PLEKHM1: variants seen among roughly 807,000 people sequenced by gnomAD.
The protein encoded by PLEKHM1 is pleckstrin homology and RUN domain containing M1.
PLEKHM1 carries 28 observed loss-of-function variants against 94.3 expected under a neutral mutation model. That is an observed-to-expected ratio of 0.30 (90% CI 0.22 to 0.41). The LOEUF (loss-of-function observed/expected upper bound fraction) is 0.41, where lower values mean the gene tolerates loss of function less well. PLEKHM1 is among the 10% of genes least tolerant of loss of function. The pLI, the probability that PLEKHM1 is intolerant of heterozygous loss-of-function variation, is 1.00. For synonymous variants in PLEKHM1, 424 were observed against 581.2 expected, an observed-to-expected ratio of 0.73 and a Z score of 3.89; for missense variants, 907 against 1,358.6, an observed-to-expected ratio of 0.67 and a Z score of 5.22.
intron 9 of PLEKHM1, among the ~76,000 whole-genome samples, chr17:45,443,840 C>A (rs1258429673): frequency 6.6e-6 from 1 of 152,090 alleles, no homozygotes; most frequent in Non-Finnish European, 1.5e-5. Flanking sequence ...TCAGCGCTTG[C>A]CAAGAGGTGG....
Position 45,444,874 on chromosome 17 carries a change from C to T in PLEKHM1, c.2837+596G>A, listed in dbSNP as rs2050554318. Among the ~76,000 whole-genome samples the T allele has an allele frequency of 1.3e-5, 2 of 152,114 alleles. No individual in the cohort carries two copies. The highest frequency in any genetic ancestry group is 2.9e-5 in the Non-Finnish European group (2 of 68,022). ...GACGTCCTGCCTCTCACCCTCACCC[C>T]CAGATGGAGTTGCTGGCTTTCCCAC... On this transcript the variant is annotated intron_variant, in intron 9 of 11. Transcript: ENST00000430334. The surrounding 1 kb of genome is among the most constrained non-coding windows in gnomAD (Gnocchi z 5.0).
chr17:45,445,036 G>A lies in PLEKHM1; in HGVS notation c.2837+434C>T, dbSNP rs2050559540. Among the ~76,000 whole-genome samples the A allele has an allele frequency of 6.6e-6, 1 of 152,250 alleles. No homozygotes were observed. Among genetic ancestry groups the A allele is most frequent in the Non-Finnish European group, 1.5e-5 (1 of 68,050 alleles). On this transcript the variant is annotated intron_variant, in intron 9 of 11. Transcript: ENST00000430334. This position sits in a 1 kb window ranked among gnomAD's most constrained non-coding sequence, Gnocchi z 4.2. ...CAGGCCAGAGACTTCCGGCGGGTCG[G>A]CCCTGGCTCTGTCCTGCTCATTGTT...
At position 45,446,579 on chromosome 17, in the gene PLEKHM1, G is replaced by C. The variant is rs114854333; in HGVS notation, c.2644-916C>G. Reference sequence around the variant, plus strand: ...ACAGCCGACAAGTGCACAGTGACTAGAAGTCTGGCTTTGGCCTGGCTCAGA... The same window carrying C: ...ACAGCCGACAAGTGCACAGTGACTACAAGTCTGGCTTTGGCCTGGCTCAGA... On this transcript the variant is annotated intron_variant, in intron 8 of 11. Coordinates refer to ENST00000430334, the MANE Select transcript of PLEKHM1 (RefSeq NM_014798.3). Among the ~76,000 whole-genome samples, 405 of 152,322 alleles carry C rather than the reference G, an allele frequency of 2.7e-3. 4 individuals carry two copies. The highest frequency in any genetic ancestry group is 9.1e-3 in the African/African-American group (379 of 41,568).
intron 6 of PLEKHM1, among the ~76,000 whole-genome samples, chr17:45,455,329 C>T (rs1406491643): frequency 6.6e-6 from 1 of 152,024 alleles, no homozygotes; most frequent in Non-Finnish European, 1.5e-5. Context: ...TCCCTGTGGC[C>T]TCTCACGTTA....
chr17:45,445,258 T>C lies in PLEKHM1; in HGVS notation c.2837+212A>G, dbSNP rs2050567383. Among the ~76,000 whole-genome samples, 1 of 152,242 alleles carries C rather than the reference T, an allele frequency of 6.6e-6. No individual in the cohort carries two copies. The highest frequency in any genetic ancestry group is 2.1e-4 in the South Asian group (1 of 4,834). On this transcript the variant is annotated intron_variant, in intron 9 of 11. Transcript: ENST00000430334. The surrounding 1 kb of genome is among the most constrained non-coding windows in gnomAD (Gnocchi z 4.2). ...GCCCTGGGCACTGCCCCTGTGTGTG[T>C]GTGCATGTGCACGAGTGCCTGCATG...
Position 45,439,492 on chromosome 17 carries a change from A to G in PLEKHM1, c.3044T>C (p.Phe1015Ser), listed in dbSNP as rs751721826. ...QHHDIIFPFEFDTTVRCAECK... is the reference protein window; with the variant it reads ...QHHDIIFPFESDTTVRCAECK... ...TCCCGCATACCTGACTGTGGTGTCA[A>G]ACTCAAAGGGGAAGATGATGTCGTG... is the stretch of plus-strand genomic sequence containing the variant. The change falls in exon 11 of 12, where the codon TTT (phenylalanine) becomes TCT (serine). Residue 1015 changes from phenylalanine to serine, a missense_variant. Physicochemically the swap from Phe to Ser is radical, Grantham distance 155 (BLOSUM62 -2). Transcript: ENST00000430334. The G allele has an allele frequency of 1.1e-5, 17 of 1,614,072 alleles. No homozygotes were observed. Among genetic ancestry groups the G allele is most frequent in the East Asian group, 4.5e-5 (2 of 44,900 alleles).
At chr17:45,454,529 C>T (rs897144548) in intron 6 of PLEKHM1, 26 of 605,428 alleles carry the variant, frequency 4.3e-5, no homozygotes, top group Non-Finnish European at 3.6e-5. Flanking sequence ...CTCCACACGC[C>T]CTGTTCCCTA....
intron 11 of PLEKHM1, among the ~76,000 whole-genome samples, chr17:45,439,087 C>A (rs1567758582): frequency 6.6e-6 from 1 of 152,212 alleles, no homozygotes; most frequent in Non-Finnish European, 1.5e-5. Flanking sequence ...CAGGTACCAC[C>A]CACCAGGTGC....
intron 9 of PLEKHM1, among the ~76,000 whole-genome samples, chr17:45,441,907 G>T (rs1454070453): frequency 6.6e-6 from 1 of 152,238 alleles, no homozygotes; most frequent in Non-Finnish European, 1.5e-5. Flanking sequence ...TGAGGGGAAA[G>T]GTCGAATCTT....
chr17:45,445,378 T>C lies in PLEKHM1; in HGVS notation c.2837+92A>G, dbSNP rs2050572347. 3 of 996,214 alleles carry C rather than the reference T, an allele frequency of 3.0e-6. No homozygotes were observed. The highest frequency in any genetic ancestry group is 3.8e-5 in the Admixed American group (2 of 52,072). 61.7% of individuals were successfully genotyped at this position (996,214 alleles called of 1,614,324 possible). On this transcript the variant is annotated intron_variant, in intron 9 of 11. Coordinates refer to ENST00000430334, the MANE Select transcript of PLEKHM1 (RefSeq NM_014798.3). The surrounding 1 kb of genome is among the most constrained non-coding windows in gnomAD (Gnocchi z 4.2). Reference sequence around the variant, plus strand: ...GTATGTGTGCACATGTGTATGTGTGTCTGTGTGTACATGTGCATATAAGTA... The same window carrying C: ...GTATGTGTGCACATGTGTATGTGTGCCTGTGTGTACATGTGCATATAAGTA...
At chr17:45,469,293 C>A (rs947126092) in intron 4 of PLEKHM1, among the ~76,000 whole-genome samples, 4 of 152,150 alleles carry the variant, frequency 2.6e-5, no homozygotes, top group African/African-American at 9.7e-5. Flanking sequence ...CTCCCTGTCT[C>A]CTCCGTGCTG....
intron 4 of PLEKHM1, among the ~76,000 whole-genome samples, chr17:45,471,410 T>C (rs555337393): frequency 6.8e-6 from 1 of 147,356 alleles, no homozygotes; most frequent in Non-Finnish European, 1.5e-5. Flanking sequence ...AAGTTAAACA[T>C]AGAGTTACAT....
At chr17:45,435,024 G>A (rs545020790), downstream of PLEKHM1, among the ~76,000 whole-genome samples, 3 of 151,270 alleles carry the variant, frequency 2.0e-5, no homozygotes, top group East Asian at 5.9e-4. Flanking sequence ...CCTCAGGGGC[G>A]CTTTGCTGAG....
At chr17:45,462,138 G>A (rs2051170324) in intron 5 of PLEKHM1, among the ~76,000 whole-genome samples, 1 of 152,136 alleles carries the variant, frequency 6.6e-6, no homozygotes, top group Non-Finnish European at 1.5e-5. Flanking sequence ...GATGCTACAC[G>A]ACTCCTCAAG....
Position 45,475,595 on chromosome 17 carries a change from G to A in PLEKHM1, c.428C>T (p.Ala143Val), listed in dbSNP as rs757784175. The A allele has an allele frequency of 6.2e-7, 1 of 1,613,960 alleles. No homozygotes were observed. Among genetic ancestry groups the A allele is most frequent in the Non-Finnish European group, 8.5e-7 (1 of 1,179,894 alleles). ...CYLKLLLQEQ[A>V]RLHEYYQPTA... is the part of the protein sequence containing the mutation. Reference sequence around the variant, plus strand: ...GGGCTGGTAGTACTCATGCAAGCGGGCCTGCTCCTGCAGCAGCAGCTTCAG... The same window carrying A: ...GGGCTGGTAGTACTCATGCAAGCGGACCTGCTCCTGCAGCAGCAGCTTCAG... Residue 143 changes from alanine to valine, a missense_variant, in exon 4 of 12, where the codon GCC becomes GTC. This residue lies in a region of PLEKHM1 where 176 missense variants were observed against 306.0 expected (regional missense o/e 0.58). Coordinates refer to ENST00000430334, the MANE Select transcript of PLEKHM1 (RefSeq NM_014798.3).
In PLEKHM1 at chr17:45,437,059, G is replaced by A; in HGVS notation, c.*799C>T. The A allele has an allele frequency of 2.2e-6, 1 of 454,530 alleles. No individual in the cohort carries two copies. The highest frequency in any genetic ancestry group is 4.4e-6 in the Non-Finnish European group (1 of 226,796). The allele number at this position is 454,530 out of a possible 1,614,324, so 28.2% of individuals were successfully genotyped here. ...CTCCATAAACCGAGGAGGGCTCAAA[G>A]TGCTGACAGTGCTGGTTTCCAGTCA... On this transcript the variant is annotated 3_prime_UTR_variant, in exon 12 of 12. Transcript: ENST00000430334. This position sits in a 1 kb window ranked among gnomAD's most constrained non-coding sequence, Gnocchi z 4.0.
At chr17:45,438,047 AC>A in intron 11 of PLEKHM1, 78 bp from the exon 12 acceptor site, 1 of 1,038,748 alleles carries the variant, frequency 9.6e-7, no homozygotes. Context: ...AGCCCTTTTG[AC>A]CAGAACCCAC....
intron 2 of PLEKHM1, among the ~76,000 whole-genome samples, chr17:45,480,723 T>C (rs1449503117): frequency 6.6e-6 from 1 of 152,226 alleles, no homozygotes; most frequent in African/African-American, 2.4e-5. Context: ...TTAGCATATT[T>C]TCCATCATGT....
chr17:45,440,786 A>G (rs6503437), intron 9 of PLEKHM1: 127,149 of 180,626 alleles, frequency 0.7, 45,359 homozygotes, highest in African/African-American at 0.78. Flanking sequence ...CTGTCCACCT[A>G]GCAAATGCCT....
Sources: gnomAD v4.1 joint callset for allele counts (sites outside exome capture counted in the v4.1 genomes callset) on GRCh38, gnomAD v4.1.1 for gene constraint, gnomAD v4.1.1 regional missense constraint, Gnocchi (gnomAD v3.1) non-coding constraint, MANE v1.5 for transcripts, NCBI Gene and HGNC (gene_info 2026-07-23, HGNC 2026-07-21) for gene names.